RAPGEF6: variants seen among roughly 807,000 people sequenced by gnomAD.
RAPGEF6 encodes Rap guanine nucleotide exchange factor 6.
In RAPGEF6, 56 loss-of-function variants were observed where a neutral mutation model predicts 171.4. The ratio of observed to expected loss-of-function variants is 0.33; its 90% CI spans 0.26 to 0.41. The LOEUF is 0.41. Ranked by LOEUF, RAPGEF6 falls within the 10% of genes least tolerant of loss-of-function variation. The probability of loss-of-function intolerance (pLI) is 1.00; values close to 1 mark genes in which losing one functional copy is unlikely to be tolerated. For missense variants in RAPGEF6, 1,674 were observed against 1,921.4 expected, an observed-to-expected ratio of 0.87 and a Z score of 2.41; for synonymous variants, 692 against 650.1, an observed-to-expected ratio of 1.06 and a Z score of -0.98.
intron 1 of RAPGEF6, among the ~76,000 whole-genome samples, chr5:131,630,232 A>C (rs1257932468): frequency 1.3e-5 from 2 of 152,228 alleles, no homozygotes; most frequent in Admixed American, 6.5e-5. Flanking sequence ...CCACCAGCTA[A>C]AAGATGACAA....
rs914223490 is a variant in RAPGEF6 at position 131,425,805 on chromosome 5, T to C, written c.*1461A>G. The stretch of plus-strand genomic sequence containing the variant: ...GGCCACAAACCAACTAAATCCTATG[T>C]GGACACATACGGACAGCCATTCAGA... On this transcript the variant is annotated 3_prime_UTR_variant, in exon 28 of 28. Transcript: ENST00000509018. 3.3e-5 allele frequency: 5 copies of C among 150,302 alleles called. No homozygotes were observed. Among genetic ancestry groups the C allele is most frequent in the Non-Finnish European group, 7.4e-5 (5 of 67,810 alleles). The allele number at this position is 150,302 out of a possible 1,614,324, so 9.3% of individuals were successfully genotyped here.
intron 17 of RAPGEF6, among the ~76,000 whole-genome samples, chr5:131,468,805 A>C (rs1754552260): frequency 6.6e-6 from 1 of 152,206 alleles, no homozygotes; most frequent in Non-Finnish European, 1.5e-5. Flanking sequence ...TTCATACAGC[A>C]AAAAGCGCCA....
At position 131,456,015 on chromosome 5, in the gene RAPGEF6, G is replaced by A. The variant is rs368711978; in HGVS notation, c.2865-3C>T. The A allele has an allele frequency of 8.7e-6, 14 of 1,612,918 alleles. No individual in the cohort carries two copies. The highest frequency in any genetic ancestry group is 4.5e-5 in the East Asian group (2 of 44,862). ...CTACAGATGCCAGGTTCAAGCCACT[G>A]CCAAAGATGAGAATAGAAACATTAA... On this transcript the variant is annotated splice_polypyrimidine_tract_variant and splice_region_variant and intron_variant, in intron 19 of 27. Coordinates refer to ENST00000509018, the MANE Select transcript of RAPGEF6 (RefSeq NM_016340.6).
intron 6 of RAPGEF6, among the ~76,000 whole-genome samples, chr5:131,539,408 C>A (rs975542770): frequency 6.6e-6 from 1 of 152,172 alleles, no homozygotes; most frequent in African/African-American, 2.4e-5. Flanking sequence ...ATAGTGCTTA[C>A]ACCTCCTTTA....
chr5:131,430,311 C>A (rs1751620195), intron 26 of RAPGEF6, among the ~76,000 whole-genome samples: 1 of 151,392 alleles, frequency 6.6e-6, no homozygotes, highest in East Asian at 1.9e-4. Flanking sequence ...ATTTGATGGC[C>A]AAATACTAAA....
intron 1 of RAPGEF6, among the ~76,000 whole-genome samples, chr5:131,611,489 T>G (rs749731246): frequency 7.9e-5 from 12 of 152,140 alleles, no homozygotes; most frequent in African/African-American, 2.9e-4. Flanking sequence ...CTGGCTAATA[T>G]GGTGAAACCC....
intron 16 of RAPGEF6, among the ~76,000 whole-genome samples, chr5:131,475,601 TA>T (rs1165956538): frequency 6.6e-6 from 1 of 152,200 alleles, no homozygotes; most frequent in Admixed American, 6.5e-5. Context: ...ACTGTGATTT[TA>T]AAAACAAAAT....
At chr5:131,584,233 A>T (rs555945234) in intron 4 of RAPGEF6, among the ~76,000 whole-genome samples, 4 of 152,346 alleles carry the variant, frequency 2.6e-5, no homozygotes, top group Admixed American at 6.5e-5. Context: ...ATAAAAATGC[A>T]AGTCAAATTA....
At chr5:131,613,761 T>C (rs1375213586) in intron 1 of RAPGEF6, among the ~76,000 whole-genome samples, 2 of 152,078 alleles carry the variant, frequency 1.3e-5, no homozygotes, top group Admixed American at 6.5e-5. Flanking sequence ...TAAGTTTCAG[T>C]GGAGTTCTGT....
intron 17 of RAPGEF6, among the ~76,000 whole-genome samples, chr5:131,469,385 G>A (rs1028467814): frequency 6.6e-6 from 1 of 151,876 alleles, no homozygotes; most frequent in Non-Finnish European, 1.5e-5. Flanking sequence ...TTTCAATGAA[G>A]AAAAAATTAA....
At chr5:131,591,503 G>T (rs1763590241) in intron 4 of RAPGEF6, among the ~76,000 whole-genome samples, 1 of 152,166 alleles carries the variant, frequency 6.6e-6, no homozygotes, top group Non-Finnish European at 1.5e-5. Context: ...TTACAAATGA[G>T]CAAAGTAAGG....
At chr5:131,547,078 C>T (rs574960709) in intron 6 of RAPGEF6, among the ~76,000 whole-genome samples, 1 of 152,258 alleles carries the variant, frequency 6.6e-6, no homozygotes, top group South Asian at 2.1e-4. Context: ...AATTTTAGGA[C>T]TATTTCATAT....
intron 3 of RAPGEF6, among the ~76,000 whole-genome samples, chr5:131,595,554 AAAGT>A (rs772256462): frequency 1.3e-5 from 2 of 152,198 alleles, no homozygotes; most frequent in Non-Finnish European, 1.5e-5. Context: ...TAGTAAACAT[AAAGT>A]AAGTACAGCA....
At chr5:131,487,764 G>A (rs1474598520) in intron 15 of RAPGEF6, among the ~76,000 whole-genome samples, 1 of 152,158 alleles carries the variant, frequency 6.6e-6, no homozygotes, top group African/African-American at 2.4e-5. Flanking sequence ...TCTGGTCACA[G>A]GTTTCCTTTT....
intron 8 of RAPGEF6, among the ~76,000 whole-genome samples, chr5:131,508,924 C>T (rs991415331): frequency 2.6e-5 from 4 of 152,052 alleles, no homozygotes; most frequent in African/African-American, 9.7e-5. Flanking sequence ...CAGTTTCTGT[C>T]GAGATAACGT....
At chr5:131,556,288 A>C (rs1581019319) in intron 5 of RAPGEF6, among the ~76,000 whole-genome samples, 1 of 152,192 alleles carries the variant, frequency 6.6e-6, no homozygotes, top group African/African-American at 2.4e-5. Flanking sequence ...AAAATACAAA[A>C]ATTAGCTGGG....
chr5:131,511,906 CT>C (rs1757755118), intron 7 of RAPGEF6, among the ~76,000 whole-genome samples: 2 of 152,170 alleles, frequency 1.3e-5, no homozygotes, highest in South Asian at 4.1e-4. Flanking sequence ...TTAGAAAGAG[CT>C]TTTCTCTAGA....
chr5:131,628,501 C>T lies in RAPGEF6; in HGVS notation c.69+6461G>A, dbSNP rs539683331. ...GGTTCATGAAGTTTACGAAAAAAAGCCACCTCCACTAACATAAAAAGTAAG... is the reference window on the plus strand; with the variant it reads ...GGTTCATGAAGTTTACGAAAAAAAGTCACCTCCACTAACATAAAAAGTAAG... On this transcript the variant is annotated intron_variant, in intron 1 of 27. Coordinates refer to ENST00000509018, the MANE Select transcript of RAPGEF6 (RefSeq NM_016340.6). Among the ~76,000 whole-genome samples, 231 of 152,196 alleles carry T rather than the reference C, an allele frequency of 1.5e-3. 1 individual carries two copies. Among genetic ancestry groups the T allele is most frequent in the African/African-American group, 5.4e-3 (223 of 41,542 alleles).
At chr5:131,472,471 C>A (rs1754812687) in intron 17 of RAPGEF6, 116 bp downstream of exon 17, 1 of 1,202,934 alleles carries the variant, frequency 8.3e-7, no homozygotes, top group South Asian at 1.3e-5. Flanking sequence ...TGCATCAAGT[C>A]ATAATCTAGA....
Sources: allele counts gnomAD v4.1 joint callset (sites outside exome capture counted in the v4.1 genomes callset), GRCh38; gene constraint gnomAD v4.1.1; transcripts MANE v1.5; gene names NCBI Gene and HGNC (gene_info 2026-07-23, HGNC 2026-07-21).